GSE1: variants seen among roughly 807,000 people sequenced by gnomAD.
GSE1 encodes the protein genetic suppressor element 1.
A neutral mutation model predicts 112.6 loss-of-function variants in GSE1; 32 were observed. That is an observed-to-expected ratio of 0.28 (90% CI 0.21 to 0.38). GSE1 has a LOEUF of 0.38. GSE1 is among the 10% of genes least tolerant of loss of function. The pLI, the probability that GSE1 is intolerant of heterozygous loss-of-function variation, is 1.00. For synonymous variants in GSE1, 1,115 were observed against 735.6 expected, an observed-to-expected ratio of 1.52 and a Z score of -8.35; for missense variants, 2,348 against 1,699.2, an observed-to-expected ratio of 1.38 and a Z score of -6.71.
intron 2 of GSE1, among the ~76,000 whole-genome samples, chr16:85,472,758 A>G (rs2050334946): frequency 2.0e-5 from 3 of 152,196 alleles, no homozygotes; most frequent in East Asian, 1.9e-4. Context: ...CCTAAAGGCT[A>G]AGGACAAGAT....
At chr16:85,650,646 C>G (rs148093013) in intron 3 of GSE1, among the ~76,000 whole-genome samples, 2 of 152,216 alleles carry the variant, frequency 1.3e-5, no homozygotes, top group African/African-American at 2.4e-5. Flanking sequence ...CAGTGTACCA[C>G]CGCGGCGCTT....
chr16:85,318,265 C>T (rs1277899007), intron 1 of GSE1, among the ~76,000 whole-genome samples: 4 of 152,142 alleles, frequency 2.6e-5, no homozygotes, highest in Non-Finnish European at 5.9e-5. Flanking sequence ...GTTTCCTTAT[C>T]CCTTTTTTTG....
In GSE1 at chr16:85,373,004, G is replaced by A. The variant is rs907986015; in HGVS notation, c.2464+15361G>A. On this transcript the variant is annotated intron_variant, in intron 2 of 2. Coordinates refer to the GSE1 transcript ENST00000637419. This position sits in a 1 kb window ranked among gnomAD's most constrained non-coding sequence, Gnocchi z 5.1. ...TGACCTCAGTTACAGGAAGTCCACC[G>A]GTTAGGAAAGTGTTCTCTAAACTGT... Among the ~76,000 whole-genome samples the A allele has an allele frequency of 3.9e-5, 6 of 152,250 alleles. 1 individual carries two copies. Among genetic ancestry groups the A allele is most frequent in the African/African-American group, 1.2e-4 (5 of 41,464 alleles).
chr16:85,550,957 C>A (rs574038281), intron 2 of GSE1, among the ~76,000 whole-genome samples: 19 of 152,342 alleles, frequency 1.2e-4, no homozygotes, highest in African/African-American at 4.6e-4. Context: ...TCTGCTGTGT[C>A]CAGAACATGG....
intron 1 of GSE1, among the ~76,000 whole-genome samples, chr16:85,614,712 C>A (rs1197748922): frequency 6.6e-6 from 1 of 152,220 alleles, no homozygotes; most frequent in East Asian, 1.9e-4. Context: ...TTGGCTCTTA[C>A]AAACTAGCCT....
At chr16:85,520,874 A>G (rs988319855) in intron 2 of GSE1, among the ~76,000 whole-genome samples, 1 of 152,174 alleles carries the variant, frequency 6.6e-6, no homozygotes, top group Non-Finnish European at 1.5e-5. Flanking sequence ...GCAGCGTCCT[A>G]AGTACAGGAC....
Position 85,569,830 on chromosome 16 carries a change from G to A in GSE1, c.37+13467G>A, listed in dbSNP as rs140927209. 5.3e-4 allele frequency among the ~76,000 whole-genome samples: 80 copies of A among 152,286 alleles called. 1 individual carries two copies. The highest frequency in any genetic ancestry group is 3.2e-3 in the Admixed American group (49 of 15,304). Reference sequence around the variant, plus strand: ...CTGTGTGGGCTTTGCCAGTCTCTCCGGGGGGCCTTGCACCTGCCCACCGCC... The same window carrying A: ...CTGTGTGGGCTTTGCCAGTCTCTCCAGGGGGCCTTGCACCTGCCCACCGCC... On this transcript the variant is annotated intron_variant, in intron 1 of 2. Transcript: ENST00000635906.
chr16:85,203,345 T>C (rs557321333), intron 1 of GSE1, among the ~76,000 whole-genome samples: 1 of 152,232 alleles, frequency 6.6e-6, no homozygotes, highest in East Asian at 1.9e-4. Context: ...AGGTCCAGTC[T>C]AAAGGTGGGG....
At chr16:85,501,003 T>TTTTTTG (rs1567540395) in intron 2 of GSE1, among the ~76,000 whole-genome samples, 3 of 128,626 alleles carry the variant, frequency 2.3e-5, no homozygotes, top group African/African-American at 9.7e-5. Context: ...GTTCTGTTTT[T>TTTTTTG]TTTTTTTTTT....
intron 1 of GSE1, among the ~76,000 whole-genome samples, chr16:85,576,646 G>A (rs976951244): frequency 2.0e-5 from 3 of 152,150 alleles, no homozygotes; most frequent in Non-Finnish European, 2.9e-5. Context: ...TGGGTATTAC[G>A]GGGCATTTTT....
chr16:85,598,034 G>A (rs2047306814), intron 1 of GSE1, among the ~76,000 whole-genome samples: 1 of 152,076 alleles, frequency 6.6e-6, no homozygotes, highest in Non-Finnish European at 1.5e-5. Context: ...AAAATGACTG[G>A]TGCACTGAAG....
chr16:85,529,546 C>A (rs1386134264), intron 2 of GSE1, among the ~76,000 whole-genome samples: 2 of 152,238 alleles, frequency 1.3e-5, no homozygotes, highest in Admixed American at 6.5e-5. Flanking sequence ...GGCAGCTGAG[C>A]AGCCCCTGCT....
chr16:85,487,652 C>T (rs556457963), intron 2 of GSE1, among the ~76,000 whole-genome samples: 1 of 152,150 alleles, frequency 6.6e-6, no homozygotes, highest in Non-Finnish European at 1.5e-5. Context: ...TGGGAATCAC[C>T]CCGCGATACA....
At chr16:85,572,277 A>C (rs1252326657) in intron 1 of GSE1, among the ~76,000 whole-genome samples, 3 of 144,382 alleles carry the variant, frequency 2.1e-5, no homozygotes, top group Admixed American at 2.1e-4. Context: ...ACACCAACAC[A>C]CCACATACCC....
intron 1 of GSE1, among the ~76,000 whole-genome samples, chr16:85,303,510 T>C (rs916843210): frequency 6.6e-6 from 1 of 152,222 alleles, no homozygotes; most frequent in Non-Finnish European, 1.5e-5. Flanking sequence ...GCGCTTGCTG[T>C]GAGCCCGGGG....
chr16:85,557,044 G>T (rs1417497036), intron 1 of GSE1, among the ~76,000 whole-genome samples: 1 of 152,062 alleles, frequency 6.6e-6, no homozygotes, highest in Non-Finnish European at 1.5e-5. Flanking sequence ...GAGGGGAGGG[G>T]GTTGACAGCT....
rs1318796190 is a variant in GSE1 at position 85,373,286 on chromosome 16, C to G, written c.2464+15643C>G. 6.6e-6 allele frequency among the ~76,000 whole-genome samples: 1 copy of G among 152,232 alleles called. No individual in the cohort carries two copies. Among genetic ancestry groups the G allele is most frequent in the East Asian group, 1.9e-4 (1 of 5,198 alleles). On this transcript the variant is annotated intron_variant, in intron 2 of 2. Transcript: ENST00000637419. This position sits in a 1 kb window ranked among gnomAD's most constrained non-coding sequence, Gnocchi z 5.1. ...TCCCCCACTCTCACGCGCTCTCCCTCCACCCCTTTGTCTCAAACAGCCAGG... is the reference window on the plus strand; with the variant it reads ...TCCCCCACTCTCACGCGCTCTCCCTGCACCCCTTTGTCTCAAACAGCCAGG...
intron 1 of GSE1, among the ~76,000 whole-genome samples, chr16:85,628,067 C>T (rs891629588): frequency 6.6e-6 from 1 of 152,326 alleles, no homozygotes; most frequent in Admixed American, 6.5e-5. Flanking sequence ...AGGCTGTGTC[C>T]ATTCACAGCA....
intron 1 of GSE1, among the ~76,000 whole-genome samples, chr16:85,183,053 T>A (rs968384969): frequency 2.0e-5 from 3 of 152,144 alleles, no homozygotes; most frequent in Admixed American, 2.0e-4. Context: ...CCGTGCACAC[T>A]CATACACTGT....
Sources: gnomAD v4.1 joint callset for allele counts (sites outside exome capture counted in the v4.1 genomes callset) on GRCh38, gnomAD v4.1.1 for gene constraint, Gnocchi (gnomAD v3.1) non-coding constraint, MANE v1.5 for transcripts, NCBI Gene and HGNC (gene_info 2026-07-23, HGNC 2026-07-21) for gene names.